The following EPAS1 variants were observed in gnomAD, a reference collection of about 807,000 sequenced individuals.
EPAS1 encodes endothelial PAS domain protein 1, also known as endothelial PAS domain-containing protein 1.
A neutral mutation model predicts 87.9 loss-of-function variants in EPAS1; 23 were observed. The observed-to-expected ratio is 0.26, with a 90% CI of 0.19 to 0.37. The LOEUF is 0.37. Ranked by LOEUF, EPAS1 falls within the 10% of genes least tolerant of loss-of-function variation. The probability of loss-of-function intolerance (pLI) is 1.00; values close to 1 mark genes in which losing one functional copy is unlikely to be tolerated. For synonymous variants in EPAS1, 508 were observed against 444.3 expected, an observed-to-expected ratio of 1.14 and a Z score of -1.80; for missense variants, 1,138 against 1,120.7, an observed-to-expected ratio of 1.02 and a Z score of -0.22.
At chr2:46,356,127 T>TGGGGGGGGGGGGGGGCGGG in intron 2 of EPAS1, 24 bp from the exon 3 acceptor site, 2 of 1,395,474 alleles carry the variant, frequency 1.4e-6, no homozygotes, top group Non-Finnish European at 2.0e-6. Flanking sequence ...TCATGCAAGC[T>TGGGGGGGGGGGGGGGCGGG]GTCCCACCCC....
At chr2:46,350,762 C>T (rs1222756857) in intron 2 of EPAS1, among the ~76,000 whole-genome samples, 5 of 152,144 alleles carry the variant, frequency 3.3e-5, no homozygotes, top group South Asian at 4.1e-4. Flanking sequence ...TCATACATGG[C>T]GAAATCAAAT....
At chr2:46,334,770 A>G (rs78054941) in intron 1 of EPAS1, among the ~76,000 whole-genome samples, 2,109 of 152,366 alleles carry the variant, frequency 0.014, 22 homozygotes, top group Non-Finnish European at 0.021. Context: ...AAATTGCTCA[A>G]TGTTATTTGA....
chr2:46,298,930 G>T (rs1242005173), intron 1 of EPAS1, among the ~76,000 whole-genome samples: 1 of 152,238 alleles, frequency 6.6e-6, no homozygotes, highest in East Asian at 1.9e-4. Flanking sequence ...TGCGGCCCCA[G>T]TGGCCTGGAG....
chr2:46,326,442 C>G (rs1326411923), intron 1 of EPAS1, among the ~76,000 whole-genome samples: 1 of 152,022 alleles, frequency 6.6e-6, no homozygotes, highest in Non-Finnish European at 1.5e-5. Flanking sequence ...GGATGAGCCT[C>G]CCACGTGACT....
chr2:46,301,817 G>A (rs1179792071), intron 1 of EPAS1, among the ~76,000 whole-genome samples: 1 of 107,012 alleles, frequency 9.3e-6, no homozygotes, highest in Middle Eastern at 5.6e-3. Context: ...GATTCTGTTT[G>A]CTTTTTGAAA....
chr2:46,355,178 G>A (rs570033321), intron 2 of EPAS1, among the ~76,000 whole-genome samples: 47 of 152,188 alleles, frequency 3.1e-4, no homozygotes, highest in Non-Finnish European at 6.6e-4. Flanking sequence ...CAATTTGAGG[G>A]TAGTGCATGT....
chr2:46,319,503 CAGTT>C (rs766156188), intron 1 of EPAS1, among the ~76,000 whole-genome samples: 6 of 152,286 alleles, frequency 3.9e-5, no homozygotes, highest in Admixed American at 2.0e-4. Context: ...GATTTGCTGA[CAGTT>C]GGAAGATTAT....
At chr2:46,312,807 T>G (rs1186394998) in intron 1 of EPAS1, among the ~76,000 whole-genome samples, 2 of 152,220 alleles carry the variant, frequency 1.3e-5, no homozygotes, top group African/African-American at 4.8e-5. Context: ...CTTCCAGGAT[T>G]CTAGATAAAG....
intron 1 of EPAS1, among the ~76,000 whole-genome samples, chr2:46,339,283 C>T (rs965293778): frequency 6.6e-6 from 1 of 152,188 alleles, no homozygotes; most frequent in Non-Finnish European, 1.5e-5. Flanking sequence ...ATGCATTACC[C>T]TTATCTTCAC....
In EPAS1 at chr2:46,381,662, C is replaced by CAAGCTG. The variant is rs1212240964; in HGVS notation, c.2123_2128dup (p.Leu708_Lys709dup). 1 of 1,614,058 alleles carries CAAGCTG rather than the reference C, an allele frequency of 6.2e-7. No individual in the cohort carries two copies. The highest frequency in any genetic ancestry group is 8.5e-7 in the Non-Finnish European group (1 of 1,180,034). ...GTCCGGCCATGGTAGCCCTCTCCAA[C>CAAGCTG]AAGCTGAAGCTGAAGCGACAGCTGG... On this transcript the variant is annotated inframe_insertion, in exon 13 of 16. Coordinates refer to ENST00000263734, the MANE Select transcript of EPAS1 (RefSeq NM_001430.5).
At chr2:46,306,531 G>C (rs539885842) in intron 1 of EPAS1, among the ~76,000 whole-genome samples, 2 of 152,332 alleles carry the variant, frequency 1.3e-5, no homozygotes, top group African/African-American at 4.8e-5. Context: ...TTACTAATGA[G>C]CAATTACAGC....
In EPAS1 at chr2:46,360,709, G is replaced by A. The variant is rs2103636143; in HGVS notation, c.526G>A (p.Val176Ile). Residue 176 changes from valine (V) to isoleucine (I), a missense_variant, in exon 5 of 16, where the codon GTC (valine) becomes ATC (isoleucine). Around this residue, in one of 4 missense-constraint regions of EPAS1, gnomAD observed 351 missense variants for 417.1 expected, o/e 0.84. Coordinates refer to ENST00000263734, the MANE Select transcript of EPAS1 (RefSeq NM_001430.5). The surrounding 1 kb of genome is among the most constrained non-coding windows in gnomAD (Gnocchi z 4.5). ...CTTCTTCATGAGGATGAAGTGCACG[G>A]TCACCAACAGAGGCCGTACTGTCAA... ...RDFFMRMKCT[V>I]TNRGRTVNLK... 1.2e-6 allele frequency: 2 copies of A among 1,614,006 alleles called. No homozygotes were observed. The highest frequency in any genetic ancestry group is 1.7e-6 in the Non-Finnish European group (2 of 1,180,022).
At chr2:46,331,088 G>A (rs947325579) in intron 1 of EPAS1, among the ~76,000 whole-genome samples, 2 of 152,298 alleles carry the variant, frequency 1.3e-5, no homozygotes, top group African/African-American at 4.8e-5. Context: ...CCTCACAGAG[G>A]CTCTGTAAGG....
intron 9 of EPAS1, 150 bp downstream of exon 9, chr2:46,376,903 C>T (rs1441231741): frequency 1.8e-5 from 14 of 780,020 alleles, no homozygotes; most frequent in Non-Finnish European, 2.7e-5. Context: ...AGAGGCCAGG[C>T]CCTGCTGAGC....
chr2:46,328,561 G>A (rs1325948733), intron 1 of EPAS1, among the ~76,000 whole-genome samples: 2 of 152,196 alleles, frequency 1.3e-5, no homozygotes, highest in Admixed American at 1.3e-4. Context: ...GAGAGCAGCA[G>A]ACCACAAACC....
intron 4 of EPAS1, among the ~76,000 whole-genome samples, chr2:46,359,597 A>G (rs1413756075): frequency 6.6e-6 from 1 of 152,174 alleles, no homozygotes; most frequent in Non-Finnish European, 1.5e-5. Context: ...AAGGATGTTG[A>G]AGTTTTGTTC....
intron 1 of EPAS1, among the ~76,000 whole-genome samples, chr2:46,345,793 T>G (rs893545403): frequency 6.6e-6 from 1 of 152,236 alleles, no homozygotes; most frequent in African/African-American, 2.4e-5. Flanking sequence ...CTGTACTGTT[T>G]TGTAACTTTT....
chr2:46,384,387 C>T, intron 15 of EPAS1, 122 bp from the exon 16 acceptor site: 2 of 1,381,002 alleles, frequency 1.4e-6, no homozygotes, highest in East Asian at 2.3e-5. Flanking sequence ...GGGACAGACA[C>T]CACTGAAGGA....
chr2:46,361,763 T>A (rs1016353224), intron 6 of EPAS1, among the ~76,000 whole-genome samples: 1 of 152,272 alleles, frequency 6.6e-6, no homozygotes, highest in South Asian at 2.1e-4. Context: ...GTTGAAAGAG[T>A]GCCTAAGACT....
Sources: gnomAD v4.1 joint callset for allele counts (sites outside exome capture counted in the v4.1 genomes callset) on GRCh38, gnomAD v4.1.1 for gene constraint, gnomAD v4.1.1 regional missense constraint, Gnocchi (gnomAD v3.1) non-coding constraint, MANE v1.5 for transcripts, NCBI Gene and HGNC (gene_info 2026-07-23, HGNC 2026-07-21) for gene names.